The following DIAPH3 variants were observed in gnomAD, a reference collection of about 807,000 sequenced individuals.
DIAPH3 encodes the protein protein diaphanous homolog 3.
Under a neutral mutation model 144.3 loss-of-function variants are expected in DIAPH3, and 117 were observed. The ratio of observed to expected loss-of-function variants is 0.81; its 90% CI spans 0.70 to 0.95. The LOEUF is 0.95. DIAPH3 is among the 40% of genes least tolerant of loss of function. The pLI is 0.00. For synonymous variants in DIAPH3, 519 were observed against 488.9 expected (o/e 1.06, Z -0.81); for missense variants, 1,421 against 1,412.7 (o/e 1.01, Z -0.09).
chr13:60,122,517 T>C (rs1290861446), intron 2 of DIAPH3, among the ~76,000 whole-genome samples: 1 of 152,180 alleles, frequency 6.6e-6, no homozygotes, highest in African/African-American at 2.4e-5. Flanking sequence ...TCTAAACATG[T>C]AGTGGATGTT....
At chr13:59,682,093 C>T (rs758278185) in intron 27 of DIAPH3, among the ~76,000 whole-genome samples, 1 of 152,124 alleles carries the variant, frequency 6.6e-6, no homozygotes, top group Non-Finnish European at 1.5e-5. Context: ...ACTGTCCATA[C>T]TTATCTTTGC....
intron 25 of DIAPH3, among the ~76,000 whole-genome samples, chr13:59,776,860 A>T (rs1278712914): frequency 3.9e-5 from 6 of 152,114 alleles, no homozygotes; most frequent in Admixed American, 3.9e-4. Flanking sequence ...ATTGGAGAAA[A>T]AGAAAAAGAA....
chr13:59,714,495 A>G (rs2034949995), intron 27 of DIAPH3, among the ~76,000 whole-genome samples: 1 of 152,118 alleles, frequency 6.6e-6, no homozygotes, highest in Non-Finnish European at 1.5e-5. Context: ...TGAACACACC[A>G]CTGCCTGCTA....
intron 14 of DIAPH3, 55 bp from the exon 15 acceptor site, chr13:59,974,511 ATTC>A (rs1449859280): frequency 2.9e-6 from 4 of 1,394,430 alleles, no homozygotes; most frequent in African/African-American, 2.8e-5. Flanking sequence ...GAAAAGCACT[ATTC>A]TTCTTATAGA....
chr13:59,829,359 T>C (rs184880236), intron 24 of DIAPH3, among the ~76,000 whole-genome samples: 2 of 152,100 alleles, frequency 1.3e-5, no homozygotes, highest in East Asian at 1.9e-4. Flanking sequence ...ATAGCAGTTA[T>C]GCATTTAATA....
chr13:59,680,716 A>T (rs899074266), intron 27 of DIAPH3, among the ~76,000 whole-genome samples: 4 of 152,094 alleles, frequency 2.6e-5, no homozygotes, highest in Admixed American at 6.6e-5. Flanking sequence ...TATAGAACAG[A>T]GTACACTCAT....
chr13:59,928,870 G>A (rs1385185954), intron 17 of DIAPH3, among the ~76,000 whole-genome samples: 1 of 152,164 alleles, frequency 6.6e-6, no homozygotes, highest in Admixed American at 6.5e-5. Flanking sequence ...GGCCCCTGGG[G>A]GTTGTACTTG....
At chr13:60,028,116 T>C (rs957147679) in intron 5 of DIAPH3, among the ~76,000 whole-genome samples, 3 of 152,202 alleles carry the variant, frequency 2.0e-5, no homozygotes, top group African/African-American at 7.2e-5. Context: ...TCCTTCTTCT[T>C]TGAACTCTCG....
At chr13:59,974,490 A>C in intron 14 of DIAPH3, 34 bp from the exon 15 acceptor site, 1 of 1,536,038 alleles carries the variant, frequency 6.5e-7, no homozygotes, top group Non-Finnish European at 9.0e-7. Flanking sequence ...CAAAAACAGG[A>C]AGATGAAAAT....
At chr13:59,993,370 G>A in intron 9 of DIAPH3, among the ~76,000 whole-genome samples, 1 of 151,694 alleles carries the variant, frequency 6.6e-6, no homozygotes, top group Non-Finnish European at 1.5e-5. Flanking sequence ...ATTCTTTGTT[G>A]TTGTTGATAA....
At chr13:59,995,903 G>C (rs2670477) in intron 9 of DIAPH3, among the ~76,000 whole-genome samples, 2 of 151,708 alleles carry the variant, frequency 1.3e-5, no homozygotes, top group African/African-American at 4.8e-5. Flanking sequence ...AAAAGGAGGT[G>C]TCAGAACTGT....
intron 27 of DIAPH3, among the ~76,000 whole-genome samples, chr13:59,741,182 G>C (rs1210205764): frequency 6.6e-6 from 1 of 152,046 alleles, no homozygotes; most frequent in Non-Finnish European, 1.5e-5. Flanking sequence ...TAAGGGCTGG[G>C]GTAGTTAGGA....
At chr13:60,156,439 A>G (rs147389915) in intron 1 of DIAPH3, among the ~76,000 whole-genome samples, 162 of 152,268 alleles carry the variant, frequency 1.1e-3, no homozygotes, top group South Asian at 1.7e-3. Context: ...CTTCATAGGG[A>G]AGAGGGAAGT....
At chr13:60,052,093 T>C (rs916893330) in intron 4 of DIAPH3, among the ~76,000 whole-genome samples, 4 of 152,080 alleles carry the variant, frequency 2.6e-5, no homozygotes, top group South Asian at 2.1e-4. Flanking sequence ...GGGCAGGGTT[T>C]ATATGAACGA....
At chr13:60,014,632 T>G (rs1380932703) in intron 7 of DIAPH3, among the ~76,000 whole-genome samples, 2 of 152,124 alleles carry the variant, frequency 1.3e-5, no homozygotes, top group Non-Finnish European at 2.9e-5. Flanking sequence ...AGTACTTAAG[T>G]GTGTAGCCCT....
At chr13:60,055,814 G>A (rs910640703) in intron 4 of DIAPH3, among the ~76,000 whole-genome samples, 5 of 151,792 alleles carry the variant, frequency 3.3e-5, no homozygotes, top group African/African-American at 7.2e-5. Flanking sequence ...GCATACCTTC[G>A]GGGTGGATGG....
At chr13:59,913,036 T>A (rs1337928215) in intron 19 of DIAPH3, among the ~76,000 whole-genome samples, 1 of 152,104 alleles carries the variant, frequency 6.6e-6, no homozygotes, top group Non-Finnish European at 1.5e-5. Flanking sequence ...TAAATAGAAA[T>A]TTCTCTTAGT....
At chr13:59,898,532 G>T (rs1260391986) in intron 20 of DIAPH3, among the ~76,000 whole-genome samples, 2 of 152,110 alleles carry the variant, frequency 1.3e-5, no homozygotes, top group African/African-American at 4.8e-5. Context: ...AGAGCTAAAT[G>T]ATTTTAGTTT....
At chr13:59,673,599 G>C (rs770246095) in intron 27 of DIAPH3, among the ~76,000 whole-genome samples, 1 of 152,138 alleles carries the variant, frequency 6.6e-6, no homozygotes, top group Non-Finnish European at 1.5e-5. Context: ...ACTCAGGATG[G>C]GGGTTAACCA....
Sources: gnomAD v4.1 joint callset for allele counts (sites outside exome capture counted in the v4.1 genomes callset) on GRCh38, gnomAD v4.1.1 for gene constraint, MANE v1.5 for transcripts, NCBI Gene and HGNC (gene_info 2026-07-23, HGNC 2026-07-21) for gene names.